AK9: variants seen among roughly 807,000 people sequenced by gnomAD.
AK9 encodes the protein adenylate kinase domain containing 1.
In AK9, 191 loss-of-function variants were observed where a neutral mutation model predicts 239.6. That is an observed-to-expected ratio of 0.80 (90% confidence interval 0.71 to 0.90). The LOEUF (loss-of-function observed/expected upper bound fraction) is 0.90. AK9 is among the 40% of genes least tolerant of loss of function. The pLI is 0.00. For synonymous variants in AK9, 689 were observed against 721.0 expected (o/e 0.96, Z 0.71); for missense variants, 1,995 against 2,214.7 (o/e 0.90, Z 1.99).
Position 109,509,365 on chromosome 6 carries a change from G to C in AK9, c.4295C>G (p.Thr1432Arg), listed in dbSNP as rs1447630281. The C allele has an allele frequency of 1.9e-6, 3 of 1,548,566 alleles. No individual in the cohort carries two copies. The highest frequency in any genetic ancestry group is 2.0e-5 in the Admixed American group (1 of 49,974). ...TAAATGCTTTAACCCATATTCACTT[G>C]TAATTTTTTTGGCAACTGAAAAACA... is the stretch of plus-strand genomic sequence containing the variant. ...SGKTTVAKKI[T>R]SEYGLKHLSI... The change falls in exon 33 of 41, where the codon ACA becomes AGA. Residue 1432 changes from threonine (T) to arginine (R), a missense_variant. This residue lies in a region of AK9 where 1,290 missense variants were observed against 1,392.7 expected (regional missense o/e 0.93). Coordinates refer to ENST00000424296, the MANE Select transcript of AK9 (RefSeq NM_001145128.3).
chr6:109,617,844 T>G (rs1007362632), intron 13 of AK9, among the ~76,000 whole-genome samples: 7 of 136,204 alleles, frequency 5.1e-5, no homozygotes, highest in African/African-American at 1.8e-4. Context: ...TGTGCTCACT[T>G]GAGAGACACA....
Position 109,616,990 on chromosome 6 carries a change from T to C in AK9, c.1399+2102A>G, listed in dbSNP as rs184405105. 3.8e-4 allele frequency among the ~76,000 whole-genome samples: 58 copies of C among 152,234 alleles called. 1 individual carries two copies. The highest frequency in any genetic ancestry group is 3.3e-3 in the Admixed American group (50 of 15,284). On this transcript the variant is annotated intron_variant, in intron 13 of 40. Coordinates refer to ENST00000424296, the MANE Select transcript of AK9 (RefSeq NM_001145128.3). ...TATAAATAAATATATGAAAATCAAATAGCTTTCCAACATACTGTTAATAAC... is the reference window on the plus strand; with the variant it reads ...TATAAATAAATATATGAAAATCAAACAGCTTTCCAACATACTGTTAATAAC...
intron 17 of AK9, among the ~76,000 whole-genome samples, chr6:109,602,018 A>G (rs1792067353): frequency 6.6e-6 from 1 of 151,770 alleles, no homozygotes; most frequent in African/African-American, 2.4e-5. Context: ...ATGGGTCTTG[A>G]CTCTTTATCC....
intron 28 of AK9, among the ~76,000 whole-genome samples, chr6:109,531,253 G>C (rs1781210032): frequency 6.6e-6 from 1 of 152,114 alleles, no homozygotes; most frequent in Non-Finnish European, 1.5e-5. Context: ...TCAGAAGGAT[G>C]GTCTGGAAGG....
At chr6:109,608,745 C>T (rs1793222618) in intron 17 of AK9, among the ~76,000 whole-genome samples, 1 of 152,062 alleles carries the variant, frequency 6.6e-6, no homozygotes, top group Admixed American at 6.6e-5. Flanking sequence ...TTAAAATTAA[C>T]TCCTATTATT....
intron 8 of AK9, among the ~76,000 whole-genome samples, chr6:109,656,095 T>C (rs1036735431): frequency 2.0e-5 from 3 of 152,220 alleles, no homozygotes; most frequent in African/African-American, 7.2e-5. Flanking sequence ...TTGCTTAGCA[T>C]AGAGTCTGGC....
At chr6:109,557,308 C>T (rs1475526025) in intron 24 of AK9, among the ~76,000 whole-genome samples, 1 of 152,008 alleles carries the variant, frequency 6.6e-6, no homozygotes, top group African/African-American at 2.4e-5. Context: ...TCTGATTTGC[C>T]CCCATGCCTG....
chr6:109,671,217 C>G (rs1770835329), intron 5 of AK9, among the ~76,000 whole-genome samples: 1 of 152,186 alleles, frequency 6.6e-6, no homozygotes, highest in African/African-American at 2.4e-5. Flanking sequence ...CTTCTTCTAA[C>G]TTACTAAGAA....
chr6:109,626,109 G>A (rs1208749586), intron 12 of AK9, among the ~76,000 whole-genome samples: 2 of 152,066 alleles, frequency 1.3e-5, no homozygotes, highest in African/African-American at 4.8e-5. Flanking sequence ...CCAATCTGCA[G>A]TCAAGCTAAT....
intron 1 of AK9, among the ~76,000 whole-genome samples, chr6:109,689,571 T>A (rs1192417606): frequency 6.6e-6 from 1 of 152,202 alleles, no homozygotes; most frequent in Non-Finnish European, 1.5e-5. Flanking sequence ...CAAGAGGGGA[T>A]AACTGAGACA....
intron 22 of AK9, 57 bp from the exon 23 acceptor site, chr6:109,564,337 C>A (rs1471580413): frequency 1.5e-6 from 2 of 1,375,694 alleles, no homozygotes; most frequent in East Asian, 5.0e-5. Flanking sequence ...CTATCTTTAG[C>A]CATATTGCCA....
Position 109,573,334 on chromosome 6 carries a change from C to T in AK9, c.2344+108G>A. On this transcript the variant is annotated intron_variant, in intron 21 of 40. Coordinates refer to ENST00000424296, the MANE Select transcript of AK9 (RefSeq NM_001145128.3). ...GCTGCTCTCTGGGGGCTCATCTCTC[C>T]ATTCTCAGCCAGCTTCCATTTTACC... The T allele has an allele frequency of 2.5e-6, 3 of 1,213,418 alleles. No individual in the cohort carries two copies. The East Asian group carries it at 8.2e-5, about 33-fold the overall frequency. The allele number at this position is 1,213,418 out of a possible 1,614,324, so 75.2% of individuals were successfully genotyped here.
intron 1 of AK9, among the ~76,000 whole-genome samples, chr6:109,690,896 G>C (rs535341131): frequency 6.6e-6 from 1 of 152,118 alleles, no homozygotes; most frequent in Non-Finnish European, 1.5e-5. Context: ...ACACAGCGTA[G>C]GTACAACATG....
intron 13 of AK9, among the ~76,000 whole-genome samples, chr6:109,616,327 G>A (rs947061737): frequency 2.0e-5 from 3 of 152,014 alleles, no homozygotes; most frequent in Non-Finnish European, 4.4e-5. Context: ...CAAATCAATA[G>A]GTCAAAGGAT....
chr6:109,614,496 G>T lies in AK9; in HGVS notation c.1400-16C>A. 6.5e-7 allele frequency: 1 copy of T among 1,547,022 alleles called. No homozygotes were observed. ...GCTGTTTCAGCTGAAATATAACAAT[G>T]GGTGGTGTTAGCAAAACGTAGTTGG... On this transcript the variant is annotated splice_polypyrimidine_tract_variant and intron_variant, in intron 13 of 40. Transcript: ENST00000424296.
In AK9 at chr6:109,649,363, C is replaced by G. The variant is rs1583422418; in HGVS notation, c.760-4675G>C. 1.3e-5 allele frequency among the ~76,000 whole-genome samples: 2 copies of G among 152,152 alleles called. 1 individual carries two copies. The highest frequency in any genetic ancestry group is 1.3e-4 in the Admixed American group (2 of 15,288). On this transcript the variant is annotated intron_variant, in intron 8 of 40. Transcript: ENST00000424296. ...AAACCCCATCGTCTCAGCCCAAAATCTCCTCAAGCTGATAAGCAACTTCAG... is the reference window on the plus strand; with the variant it reads ...AAACCCCATCGTCTCAGCCCAAAATGTCCTCAAGCTGATAAGCAACTTCAG...
At chr6:109,644,445 G>T in intron 9 of AK9, 169 bp downstream of exon 9, 1 of 488,946 alleles carries the variant, frequency 2.0e-6, no homozygotes, top group Non-Finnish European at 3.4e-6. Flanking sequence ...ATTTTAAAAT[G>T]GACAGATGAA....
chr6:109,684,626 G>A (rs573323843), intron 1 of AK9, among the ~76,000 whole-genome samples: 1 of 151,654 alleles, frequency 6.6e-6, no homozygotes, highest in South Asian at 2.1e-4. Context: ...TGTAATCCCA[G>A]CACTTTGGGA....
chr6:109,653,883 T>A (rs2128307854), intron 8 of AK9, among the ~76,000 whole-genome samples: 1 of 152,266 alleles, frequency 6.6e-6, no homozygotes, highest in South Asian at 2.1e-4. Flanking sequence ...CTTCTAAGTT[T>A]TCTTCTACTA....
Sources: allele counts gnomAD v4.1 joint callset (sites outside exome capture counted in the v4.1 genomes callset), GRCh38; gene constraint gnomAD v4.1.1; regional missense constraint gnomAD v4.1.1; transcripts MANE v1.5; gene names NCBI Gene and HGNC (gene_info 2026-07-23, HGNC 2026-07-21).